CEP112: variants seen among roughly 807,000 people sequenced by gnomAD.
CEP112 encodes centrosomal protein of 112 kDa.
CEP112 carries 127 observed loss-of-function variants against 153.0 expected under a neutral mutation model. The ratio of observed to expected loss-of-function variants is 0.83; its 90% CI spans 0.72 to 0.96. CEP112 has a LOEUF of 0.96. CEP112 is among the 40% of genes least tolerant of loss of function. CEP112 has a pLI of 0.00. For missense variants in CEP112, 1,089 were observed against 1,101.2 expected (o/e 0.99, Z 0.16); for synonymous variants, 358 against 374.4 (o/e 0.96, Z 0.51).
At chr17:65,732,705 T>C (rs546496357) in intron 23 of CEP112, among the ~76,000 whole-genome samples, 20 of 152,358 alleles carry the variant, frequency 1.3e-4, no homozygotes, top group South Asian at 8.3e-4. Context: ...GTTATGGAGA[T>C]GGCTTCTTTC....
intron 21 of CEP112, among the ~76,000 whole-genome samples, chr17:65,837,414 C>T (rs62065087): frequency 0.015 from 2,274 of 151,946 alleles, 26 homozygotes; most frequent in Non-Finnish European, 0.025. Context: ...TCTGCCCCGC[C>T]GCCCCATCTG....
At chr17:65,836,835 CT>C (rs2146179124) in intron 21 of CEP112, among the ~76,000 whole-genome samples, 1 of 152,052 alleles carries the variant, frequency 6.6e-6, no homozygotes, top group African/African-American at 2.4e-5. Context: ...CCCCCTCCCC[CT>C]CCCCCTCTGA....
At chr17:66,072,336 A>T (rs543415257) in intron 8 of CEP112, among the ~76,000 whole-genome samples, 1 of 152,318 alleles carries the variant, frequency 6.6e-6, no homozygotes, top group East Asian at 1.9e-4. Context: ...CAAGTTTTAC[A>T]AATTATCACA....
chr17:65,792,121 A>G (rs1479545703), intron 21 of CEP112, among the ~76,000 whole-genome samples: 1 of 152,208 alleles, frequency 6.6e-6, no homozygotes, highest in African/African-American at 2.4e-5. Flanking sequence ...CAGCGCTCCT[A>G]CACTCAGATG....
At chr17:65,847,668 C>T (rs778020859) in intron 21 of CEP112, among the ~76,000 whole-genome samples, 14 of 152,132 alleles carry the variant, frequency 9.2e-5, no homozygotes, top group Non-Finnish European at 2.1e-4. Context: ...TAGACAAGGT[C>T]CTGCTAACAG....
chr17:66,034,974 A>ATGTGTGTGTGTGTGTGTGTGTGTGTGTG (rs1568411223), intron 12 of CEP112, among the ~76,000 whole-genome samples: 4 of 36,616 alleles, frequency 1.1e-4, no homozygotes, highest in East Asian at 7.2e-4. Context: ...AAGTTTTTGC[A>ATGTGTGTGTGTGTGTGTGTGTGTGTGTG]TGTATATATA....
At chr17:65,874,606 CTCTCTTAAAATTTT>C (rs1008369554) in intron 20 of CEP112, among the ~76,000 whole-genome samples, 2 of 152,040 alleles carry the variant, frequency 1.3e-5, no homozygotes, top group Admixed American at 6.5e-5. Flanking sequence ...AATTTTGCTT[CTCTCTTAAAATTTT>C]ATTGCATCAT....
At chr17:65,881,384 A>G (rs1158330652) in intron 20 of CEP112, among the ~76,000 whole-genome samples, 4 of 149,976 alleles carry the variant, frequency 2.7e-5, no homozygotes, top group Middle Eastern at 3.4e-3. Flanking sequence ...TTAACTTCAG[A>G]GGCAAAGCAG....
intron 12 of CEP112, among the ~76,000 whole-genome samples, chr17:66,042,331 CAG>C (rs1321110992): frequency 6.6e-6 from 1 of 152,030 alleles, no homozygotes; most frequent in Non-Finnish European, 1.5e-5. Context: ...GCCTGGGTGA[CAG>C]AGAGAGACTG....
chr17:66,002,358 T>C (rs2064095472), intron 17 of CEP112, among the ~76,000 whole-genome samples: 1 of 152,204 alleles, frequency 6.6e-6, no homozygotes, highest in Non-Finnish European at 1.5e-5. Flanking sequence ...AGACTATCCC[T>C]ACATGGTCGC....
At chr17:65,682,313 A>G (rs186290459) in intron 24 of CEP112, among the ~76,000 whole-genome samples, 1 of 152,268 alleles carries the variant, frequency 6.6e-6, no homozygotes, top group East Asian at 1.9e-4. Context: ...TTTTAAATGC[A>G]TCTTCACATT....
chr17:65,869,075 A>G (rs1226407779), intron 20 of CEP112, among the ~76,000 whole-genome samples: 14 of 152,238 alleles, frequency 9.2e-5, no homozygotes, highest in Admixed American at 9.2e-4. Flanking sequence ...CCAGCCCTTC[A>G]GATGCCTAGG....
rs2047807463 is a variant in CEP112, at chr17:65,686,617, A to C, written c.2697+2512T>G. On this transcript the variant is annotated intron_variant, in intron 24 of 26. Transcript: ENST00000535342. ...ATCTACAGAGGATGGGGCTCAGTTG[A>C]CCTTCAGTGACAATTAGACCTGCTG... 2.6e-5 allele frequency among the ~76,000 whole-genome samples: 4 copies of C among 152,180 alleles called. No individual in the cohort carries two copies. The South Asian group carries it at 8.3e-4, about 32-fold the overall frequency.
chr17:66,023,624 G>A (rs2065085950), intron 16 of CEP112, among the ~76,000 whole-genome samples: 1 of 151,922 alleles, frequency 6.6e-6, no homozygotes, highest in South Asian at 2.1e-4. Context: ...ACACATTTAA[G>A]TATAAAACTC....
At chr17:66,147,443 C>T (rs1253403144) in intron 4 of CEP112, among the ~76,000 whole-genome samples, 1 of 152,034 alleles carries the variant, frequency 6.6e-6, no homozygotes, top group African/African-American at 2.4e-5. Flanking sequence ...ATTCCATTGA[C>T]TGCTTTTTCA....
intron 8 of CEP112, among the ~76,000 whole-genome samples, chr17:66,083,853 A>C (rs184134236): frequency 1.3e-5 from 2 of 152,194 alleles, no homozygotes; most frequent in African/African-American, 4.8e-5. Context: ...GCGAGACTCC[A>C]TGTCCAAAGA....
intron 4 of CEP112, among the ~76,000 whole-genome samples, chr17:66,160,496 T>C (rs889534443): frequency 6.6e-6 from 1 of 152,026 alleles, no homozygotes; most frequent in Non-Finnish European, 1.5e-5. Context: ...AAAACAGATA[T>C]ATAAACCAAT....
intron 20 of CEP112, among the ~76,000 whole-genome samples, chr17:65,889,659 A>G (rs2059396974): frequency 2.6e-5 from 4 of 152,040 alleles, no homozygotes; most frequent in Admixed American, 2.0e-4. Flanking sequence ...CTCCATGCTC[A>G]TGATTCTTTA....
At chr17:65,873,615 GTTC>G (rs1346501784) in intron 20 of CEP112, 1 of 152,082 alleles carries the variant, frequency 6.6e-6, no homozygotes, top group Non-Finnish European at 1.5e-5. Context: ...ACCTAAGTAA[GTTC>G]TAGCAGGAAA....
Sources: allele counts gnomAD v4.1 joint callset (sites outside exome capture counted in the v4.1 genomes callset), GRCh38; gene constraint gnomAD v4.1.1; transcripts MANE v1.5; gene names NCBI Gene and HGNC (gene_info 2026-07-23, HGNC 2026-07-21).